The following PKNOX2 variants were observed in gnomAD, a reference collection of about 807,000 sequenced individuals.
PKNOX2 encodes homeobox protein PKNOX2.
PKNOX2 carries 14 observed loss-of-function variants against 53.1 expected under a neutral mutation model. That is an observed-to-expected ratio of 0.26 (90% CI 0.17 to 0.41). The LOEUF (loss-of-function observed/expected upper bound fraction) is 0.41, where lower values mean the gene tolerates loss of function less well. PKNOX2 is among the 10% of genes least tolerant of loss of function. The probability of loss-of-function intolerance (pLI) is 1.00; values close to 1 mark genes in which losing one functional copy is unlikely to be tolerated. For synonymous variants in PKNOX2, 257 were observed against 242.8 expected, an observed-to-expected ratio of 1.06 and a Z score of -0.54; for missense variants, 496 against 602.8, an observed-to-expected ratio of 0.82 and a Z score of 1.85.
chr11:125,361,054 T>A (rs565795877), intron 4 of PKNOX2, among the ~76,000 whole-genome samples: 1 of 152,220 alleles, frequency 6.6e-6, no homozygotes, highest in Non-Finnish European at 1.5e-5. Flanking sequence ...TTCTCTTTTG[T>A]GACCTGAGGA....
chr11:125,211,295 G>A (rs1342740936), intron 1 of PKNOX2, among the ~76,000 whole-genome samples: 1 of 152,272 alleles, frequency 6.6e-6, no homozygotes, highest in African/African-American at 2.4e-5. Context: ...ACCTGGAAGA[G>A]AGAGAAGGAT....
At position 125,350,093 on chromosome 11, in the gene PKNOX2, C is replaced by T. The variant is rs943176193; in HGVS notation, c.-22-1191C>T. On this transcript the variant is annotated intron_variant, in intron 3 of 12. Transcript: ENST00000298282. ...GTGCCCTCCACCCAGGAGAAGAACA[C>T]GTCCTGCACTCCACAGAGGCTCTTA... Among the ~76,000 whole-genome samples, 3 of 152,192 alleles carry T rather than the reference C, an allele frequency of 2.0e-5. 1 individual carries two copies. Among genetic ancestry groups the T allele is most frequent in the South Asian group, 4.1e-4 (2 of 4,834 alleles).
At chr11:125,312,367 G>A (rs1365417170) in intron 2 of PKNOX2, among the ~76,000 whole-genome samples, 1 of 152,242 alleles carries the variant, frequency 6.6e-6, no homozygotes, top group Non-Finnish European at 1.5e-5. Flanking sequence ...AGAGTGTGGA[G>A]GCCACAGATC....
chr11:125,334,286 A>G (rs559984659), intron 3 of PKNOX2, among the ~76,000 whole-genome samples: 33 of 152,324 alleles, frequency 2.2e-4, no homozygotes, highest in Admixed American at 1.9e-3. Flanking sequence ...GGGGATTTTC[A>G]AAGTCCTGTT....
At chr11:125,387,693 G>A (rs1953745692) in intron 6 of PKNOX2, among the ~76,000 whole-genome samples, 1 of 152,210 alleles carries the variant, frequency 6.6e-6, no homozygotes, top group South Asian at 2.1e-4. Flanking sequence ...GCGTTCCCTG[G>A]TCTTCCATCT....
chr11:125,272,750 C>T (rs186410692), intron 2 of PKNOX2, among the ~76,000 whole-genome samples: 13 of 152,306 alleles, frequency 8.5e-5, no homozygotes, highest in African/African-American at 1.4e-4. Context: ...ATTTTTCCCA[C>T]GGACTCCCAG....
At chr11:125,425,941 G>A (rs924370463) in intron 10 of PKNOX2, among the ~76,000 whole-genome samples, 4 of 152,244 alleles carry the variant, frequency 2.6e-5, no homozygotes, top group African/African-American at 9.6e-5. Flanking sequence ...GATAGGTGGT[G>A]AGGACTTGCA....
intron 1 of PKNOX2, among the ~76,000 whole-genome samples, chr11:125,233,142 A>G (rs58964708): frequency 0.03 from 4,517 of 152,322 alleles, 210 homozygotes; most frequent in African/African-American, 0.1. Flanking sequence ...TTTAACTTTT[A>G]GCCTGTTCTT....
At chr11:125,310,239 G>A (rs1434340629) in intron 2 of PKNOX2, among the ~76,000 whole-genome samples, 1 of 152,092 alleles carries the variant, frequency 6.6e-6, no homozygotes, top group Non-Finnish European at 1.5e-5. Flanking sequence ...GCTCACACCT[G>A]TAATCCCAGC....
In PKNOX2 at chr11:125,394,076, G is replaced by A. The variant is rs543936736; in HGVS notation, c.400-3798G>A. Among the ~76,000 whole-genome samples, 5 of 152,264 alleles carry A rather than the reference G, an allele frequency of 3.3e-5. No homozygotes were observed. In the South Asian group the frequency reaches 1.0e-3, roughly 32 times the overall value. On this transcript the variant is annotated intron_variant, in intron 6 of 12. Transcript: ENST00000298282. ...TGAGATGGTTGTGTGGAATAAATAA[G>A]GCCTGGAATGGGCTTAACACAGTGC...
In PKNOX2 at chr11:125,165,958, C is replaced by G. The variant is rs1488635828; in HGVS notation, c.-201+1182C>G. Reference sequence around the variant, plus strand: ...CGAAATGGGCCGTCCTTTCCCGGGGCTCTTCACGGGGGAGCCGGGGGTTTC... The same window carrying G: ...CGAAATGGGCCGTCCTTTCCCGGGGGTCTTCACGGGGGAGCCGGGGGTTTC... On this transcript the variant is annotated intron_variant, in intron 1 of 12. Transcript: ENST00000298282. The surrounding 1 kb of genome is among the most constrained non-coding windows in gnomAD (Gnocchi z 4.5). 1.3e-5 allele frequency among the ~76,000 whole-genome samples: 2 copies of G among 152,122 alleles called. No individual in the cohort carries two copies. The highest frequency in any genetic ancestry group is 4.8e-5 in the African/African-American group (2 of 41,430).
intron 1 of PKNOX2, among the ~76,000 whole-genome samples, chr11:125,171,138 G>A (rs2509449): frequency 0.17 from 25,893 of 152,184 alleles, 3,109 homozygotes; most frequent in East Asian, 0.54. Context: ...ATCTAGTAGA[G>A]AGGGAACAAA....
At chr11:125,253,970 T>G (rs1399823757) in intron 2 of PKNOX2, among the ~76,000 whole-genome samples, 1 of 152,056 alleles carries the variant, frequency 6.6e-6, no homozygotes, top group African/African-American at 2.4e-5. Flanking sequence ...TCCTGCTGGG[T>G]GGGAGCATCG....
At chr11:125,420,343 C>T (rs1490036940) in intron 10 of PKNOX2, among the ~76,000 whole-genome samples, 2 of 151,518 alleles carry the variant, frequency 1.3e-5, no homozygotes, top group Non-Finnish European at 1.5e-5. Context: ...CTGGCTAACA[C>T]GGTGAAACCC....
chr11:125,358,444 T>C (rs1372326830), intron 4 of PKNOX2, among the ~76,000 whole-genome samples: 1 of 152,220 alleles, frequency 6.6e-6, no homozygotes, highest in Non-Finnish European at 1.5e-5. Flanking sequence ...GCTTTCCTCT[T>C]CTTGGCCTCC....
intron 8 of PKNOX2, 67 bp downstream of exon 8, chr11:125,410,392 C>T (rs533865115): frequency 2.1e-5 from 33 of 1,596,302 alleles, no homozygotes; most frequent in Admixed American, 1.7e-4. Flanking sequence ...GGCCCCGAGG[C>T]GGTTCCAGGG....
Position 125,422,623 on chromosome 11 carries a change from A to C in PKNOX2, c.937-6389A>C, listed in dbSNP as rs1018310082. 6.6e-6 allele frequency among the ~76,000 whole-genome samples: 1 copy of C among 152,142 alleles called. No individual in the cohort carries two copies. Among genetic ancestry groups the C allele is most frequent in the Admixed American group, 6.5e-5 (1 of 15,270 alleles). On this transcript the variant is annotated intron_variant, in intron 10 of 12. Coordinates refer to ENST00000298282, the MANE Select transcript of PKNOX2 (RefSeq NM_001382323.2). This position sits in a 1 kb window ranked among gnomAD's most constrained non-coding sequence, Gnocchi z 4.1. ...ACAGGCAAGTCAGCTGCAGGGTTGC[A>C]TGGAGGCGCTGAAAAGGGAAGGTGT... is the stretch of plus-strand genomic sequence containing the variant.
At chr11:125,394,851 A>T (rs1954285717) in intron 6 of PKNOX2, among the ~76,000 whole-genome samples, 1 of 152,220 alleles carries the variant, frequency 6.6e-6, no homozygotes. Flanking sequence ...CAGTTATAAG[A>T]ACTCATACAG....
At chr11:125,375,907 G>T (rs1168480396) in intron 5 of PKNOX2, among the ~76,000 whole-genome samples, 1 of 152,178 alleles carries the variant, frequency 6.6e-6, no homozygotes, top group Admixed American at 6.5e-5. Context: ...AGGTAAACTC[G>T]TGTCATGGGG....
Sources: gnomAD v4.1 joint callset for allele counts (sites outside exome capture counted in the v4.1 genomes callset) on GRCh38, gnomAD v4.1.1 for gene constraint, Gnocchi (gnomAD v3.1) non-coding constraint, MANE v1.5 for transcripts, NCBI Gene and HGNC (gene_info 2026-07-23, HGNC 2026-07-21) for gene names.